Variants in HYCC2 observed in about 807,000 individuals in gnomAD.
The protein encoded by HYCC2 is hyccin 2.
At chr2:201,006,427 C>T in the HYCC2 span, among the ~76,000 whole-genome samples, 12 of 151,816 alleles carry the variant, frequency 7.9e-5, no homozygotes, top group South Asian at 1.7e-3. Context: ...AGGCATGAGC[C>T]GCACCTGGCG....
At chr2:201,036,151 G>C in the HYCC2 span, among the ~76,000 whole-genome samples, 1 of 152,148 alleles carries the variant, frequency 6.6e-6, no homozygotes, top group Non-Finnish European at 1.5e-5. Context: ...AGAAGAAATG[G>C]ATAAATTCCT....
At chr2:201,069,666 C>T in the HYCC2 span, among the ~76,000 whole-genome samples, 15 of 151,556 alleles carry the variant, frequency 9.9e-5, no homozygotes, top group African/African-American at 3.2e-4. Context: ...AGAATTCCAC[C>T]TAAAATAGAA....
chr2:201,007,457 T>G, the HYCC2 span, among the ~76,000 whole-genome samples: 7,892 of 152,160 alleles, frequency 0.052, 473 homozygotes, highest in African/African-American at 0.14. Flanking sequence ...AATGAGAAGG[T>G]TTACATAGGT....
chr2:201,049,351 T>C, the HYCC2 span, among the ~76,000 whole-genome samples: 1 of 151,982 alleles, frequency 6.6e-6, no homozygotes, highest in African/African-American at 2.4e-5. Context: ...CTTTTCTTTT[T>C]TCTTTTCTTT....
At chr2:201,005,506 C>T in the HYCC2 span, among the ~76,000 whole-genome samples, 1 of 152,164 alleles carries the variant, frequency 6.6e-6, no homozygotes, top group Non-Finnish European at 1.5e-5. Flanking sequence ...AAAACCGGAA[C>T]TACACCTTCA....
At chr2:201,056,906 C>T in the HYCC2 span, among the ~76,000 whole-genome samples, 1 of 152,198 alleles carries the variant, frequency 6.6e-6, no homozygotes, top group Non-Finnish European at 1.5e-5. Flanking sequence ...GAAAGGCTGT[C>T]TTTTACATGG....
At chr2:200,993,198 G>A in the HYCC2 span, among the ~76,000 whole-genome samples, 2 of 152,128 alleles carry the variant, frequency 1.3e-5, no homozygotes, top group African/African-American at 4.8e-5. Context: ...ATAAAAATCC[G>A]AAATCTGTGC....
the HYCC2 span, among the ~76,000 whole-genome samples, chr2:201,032,321 C>A: frequency 6.6e-6 from 1 of 152,070 alleles, no homozygotes; most frequent in Non-Finnish European, 1.5e-5. Flanking sequence ...TATCCTAATT[C>A]ATTTTTTCTA....
chr2:200,997,604 T>C, the HYCC2 span: 1 of 979,868 alleles, frequency 1.0e-6, no homozygotes, highest in Non-Finnish European at 1.6e-6. Flanking sequence ...CAACTGGTTA[T>C]GACAATGCCT....
At chr2:200,981,644 G>A in the HYCC2 span, 1 of 1,614,070 alleles carries the variant, frequency 6.2e-7, no homozygotes, top group Non-Finnish European at 8.5e-7. The surrounding 1 kb of genome is among the most constrained non-coding windows in gnomAD (Gnocchi z 4.5). Context: ...TGTACATACT[G>A]CTTGCGAACT....
the HYCC2 span, among the ~76,000 whole-genome samples, chr2:201,002,209 G>A: frequency 1.3e-5 from 2 of 150,266 alleles, no homozygotes; most frequent in Non-Finnish European, 3.0e-5. Flanking sequence ...CGAGGTGGGA[G>A]GACTGCTTGA....
the HYCC2 span, among the ~76,000 whole-genome samples, chr2:201,044,026 C>A: frequency 6.6e-6 from 1 of 152,128 alleles, no homozygotes; most frequent in Non-Finnish European, 1.5e-5. Flanking sequence ...GACTTGCAAC[C>A]TTTCTGTTTA....
the HYCC2 span, among the ~76,000 whole-genome samples, chr2:201,069,765 T>A: frequency 6.6e-6 from 1 of 152,162 alleles, no homozygotes. Flanking sequence ...ATAAAAATTT[T>A]TATCTAAAGC....
the HYCC2 span, among the ~76,000 whole-genome samples, chr2:201,029,987 T>C: frequency 6.6e-6 from 1 of 152,152 alleles, no homozygotes; most frequent in Non-Finnish European, 1.5e-5. Context: ...CTGAGGAGGC[T>C]GAGGTGGGAA....
At chr2:200,980,531 G>A in the HYCC2 span, 1 of 152,604 alleles carries the variant, frequency 6.6e-6, no homozygotes, top group African/African-American at 2.4e-5. Flanking sequence ...GAAGAGGGAA[G>A]ACACGTTAAT....
At chr2:201,065,561 A>G in the HYCC2 span, among the ~76,000 whole-genome samples, 1 of 152,244 alleles carries the variant, frequency 6.6e-6, no homozygotes, top group African/African-American at 2.4e-5. Flanking sequence ...TCTAGGCCCT[A>G]ATTCTTCATA....
the HYCC2 span, among the ~76,000 whole-genome samples, chr2:200,982,515 T>C: frequency 6.6e-6 from 1 of 152,216 alleles, no homozygotes; most frequent in African/African-American, 2.4e-5. Flanking sequence ...CTATGGCCTT[T>C]TCTACTCACT....
At chr2:201,067,065 A>G in the HYCC2 span, 1 of 315,402 alleles carries the variant, frequency 3.2e-6, no homozygotes. Flanking sequence ...GCTACAAAGA[A>G]GCTCCATAAC....
At chr2:201,002,115 A>G in the HYCC2 span, among the ~76,000 whole-genome samples, 1 of 142,124 alleles carries the variant, frequency 7.0e-6, no homozygotes, top group Non-Finnish European at 1.5e-5. Context: ...AGTCACCAGG[A>G]AAAAAAAAAA....
Sources: allele counts gnomAD v4.1 joint callset (sites outside exome capture counted in the v4.1 genomes callset), GRCh38; gene constraint gnomAD v4.1.1; non-coding constraint Gnocchi (gnomAD v3.1); transcripts MANE v1.5; gene names NCBI Gene and HGNC (gene_info 2026-07-23, HGNC 2026-07-21).